The following TOR1B variants were observed in gnomAD, a reference collection of about 807,000 sequenced individuals.
TOR1B encodes the protein torsin-1B.
In TOR1B, 14 loss-of-function variants were observed where a neutral mutation model predicts 29.2. That is an observed-to-expected ratio of 0.48 (90% CI 0.32 to 0.75). The LOEUF is 0.75. TOR1B is among the 30% of genes least tolerant of loss of function. TOR1B has a pLI of 0.04. For missense variants in TOR1B, 400 were observed against 433.9 expected (o/e 0.92, Z 0.69); for synonymous variants, 166 against 179.8 (o/e 0.92, Z 0.62).
At position 129,807,272 on chromosome 9, in the gene TOR1B, C is replaced by A. The variant is rs149533855; in HGVS notation, c.550C>A (p.Pro184Thr). ...ATTTGACGAGATGGATAAATTGCAC[C>A]CCGGGATCATTGACGCAATCAAGCC... Reference protein sequence around the residue: ...FIFDEMDKLHPGIIDAIKPFL... With the variant: ...FIFDEMDKLHTGIIDAIKPFL... The change falls in exon 3 of 5, where the codon CCC becomes ACC. Residue 184 changes from proline to threonine, a missense_variant. Coordinates refer to ENST00000259339, the MANE Select transcript of TOR1B (RefSeq NM_014506.3). 3 of 1,613,954 alleles carry A rather than the reference C, an allele frequency of 1.9e-6. No homozygotes were observed. Among genetic ancestry groups the A allele is most frequent in the African/African-American group, 2.7e-5 (2 of 74,880 alleles).
chr9:129,810,405 C>A lies in TOR1B; in HGVS notation c.*822C>A, dbSNP rs1035108274. The stretch of plus-strand genomic sequence containing the variant: ...TGCAGCAGACCTGGACAGACAGGCC[C>A]CTCCCGCCTGTCCATCGCTCTAGCT... On this transcript the variant is annotated 3_prime_UTR_variant, in exon 5 of 5. Coordinates refer to ENST00000259339, the MANE Select transcript of TOR1B (RefSeq NM_014506.3). 3 of 1,218,980 alleles carry A rather than the reference C, an allele frequency of 2.5e-6. No individual in the cohort carries two copies. The highest frequency in any genetic ancestry group is 3.6e-4 in the Middle Eastern group (1 of 2,792). 75.5% of individuals were successfully genotyped at this position (1,218,980 alleles called of 1,614,324 possible).
At position 129,810,349 on chromosome 9, in the gene TOR1B, G is replaced by GC. The variant is rs2030783097; in HGVS notation, c.*766_*767insC. 2 of 1,090,712 alleles carry GC rather than the reference G, an allele frequency of 1.8e-6. No individual in the cohort carries two copies. Among genetic ancestry groups the GC allele is most frequent in the Non-Finnish European group, 2.3e-6 (2 of 851,714 alleles). 67.6% of individuals were successfully genotyped at this position (1,090,712 alleles called of 1,614,324 possible). On this transcript the variant is annotated 3_prime_UTR_variant, in exon 5 of 5. Coordinates refer to ENST00000259339, the MANE Select transcript of TOR1B (RefSeq NM_014506.3). ...TCTGAGCTGACCTGTGTGTGTGTGT[G>GC]TGGGGGGGTGGGGCCTTCACCTAAG...
In TOR1B at chr9:129,809,756, G is replaced by A; in HGVS notation, c.*173G>A. 1 of 1,427,296 alleles carries A rather than the reference G, an allele frequency of 7.0e-7. No homozygotes were observed. The highest frequency in any genetic ancestry group is 9.1e-7 in the Non-Finnish European group (1 of 1,095,636). 88.4% of individuals were successfully genotyped at this position (1,427,296 alleles called of 1,614,324 possible). ...CTCACTCCGTCATCCAAGCTGGAGT[G>A]CAGTGGTGCAATCCTCAACTCACTG... On this transcript the variant is annotated 3_prime_UTR_variant, in exon 5 of 5. Coordinates refer to ENST00000259339, the MANE Select transcript of TOR1B (RefSeq NM_014506.3).
In TOR1B at chr9:129,810,488, C is replaced by G. The variant is rs1248646998; in HGVS notation, c.*905C>G. ...CGTCTCAGCTGGTATCAGCCCCAGC[C>G]TGCCTTGTGCCATATCTCAGCTTGG... On this transcript the variant is annotated 3_prime_UTR_variant, in exon 5 of 5. Coordinates refer to ENST00000259339, the MANE Select transcript of TOR1B (RefSeq NM_014506.3). The G allele has an allele frequency of 1.8e-5, 20 of 1,109,164 alleles. No homozygotes were observed. Among genetic ancestry groups the G allele is most frequent in the Admixed American group, 3.7e-5 (1 of 26,936 alleles). 68.7% of individuals were successfully genotyped at this position (1,109,164 alleles called of 1,614,324 possible).
intron 1 of TOR1B, 116 bp from the exon 2 acceptor site, chr9:129,803,957 C>T: frequency 7.1e-7 from 1 of 1,405,304 alleles, no homozygotes; most frequent in South Asian, 1.3e-5. Flanking sequence ...GTGGCAGACA[C>T]CCTGCTGTGT....
intron 3 of TOR1B, among the ~76,000 whole-genome samples, chr9:129,807,835 G>T (rs1224417728): frequency 4.9e-5 from 7 of 142,332 alleles, no homozygotes; most frequent in Non-Finnish European, 7.6e-5. Flanking sequence ...GACAGAGTGA[G>T]ACTCTGTCTC....
Position 129,807,222 on chromosome 9 carries a change from G to A in TOR1B, c.500G>A (p.Ser167Asn), listed in dbSNP as rs576300576. ...CAGAAGTGGATCCGCGGTAATGTGAGTGCATGTGCGAACTCTGTTTTCATA... is the reference window on the plus strand; with the variant it reads ...CAGAAGTGGATCCGCGGTAATGTGAATGCATGTGCGAACTCTGTTTTCATA... ...QLQKWIRGNV[S>N]ACANSVFIFD... Residue 167 changes from serine (S) to asparagine (N), a missense_variant, in exon 3 of 5, where the codon AGT (serine) becomes AAT (asparagine). Coordinates refer to ENST00000259339, the MANE Select transcript of TOR1B (RefSeq NM_014506.3). The A allele has an allele frequency of 1.0e-4, 161 of 1,614,144 alleles. No individual in the cohort carries two copies. The South Asian group carries it at 1.7e-3, about 17-fold the overall frequency.
Position 129,810,125 on chromosome 9 carries a change from T to C in TOR1B, c.*542T>C. 7.7e-7 allele frequency: 1 copy of C among 1,298,902 alleles called. No individual in the cohort carries two copies. The highest frequency in any genetic ancestry group is 1.0e-6 in the Non-Finnish European group (1 of 984,794). 80.5% of individuals were successfully genotyped at this position (1,298,902 alleles called of 1,614,324 possible). A position where few individuals can be genotyped will look rare whatever the true frequency, so the allele number is the denominator to read the frequency against. On this transcript the variant is annotated 3_prime_UTR_variant, in exon 5 of 5. Coordinates refer to ENST00000259339, the MANE Select transcript of TOR1B (RefSeq NM_014506.3). ...CAACTAAAGGAGTCCAGGGACTTGCTGCAGGCTGGGGGGCACTGGGTGGTT... is the reference window on the plus strand; with the variant it reads ...CAACTAAAGGAGTCCAGGGACTTGCCGCAGGCTGGGGGGCACTGGGTGGTT...
rs759880602 is a variant in TOR1B at position 129,809,411 on chromosome 9, A to G, written c.839A>G (p.Glu280Gly). The change falls in exon 5 of 5, where the codon GAG (glutamate) becomes GGG (glycine). Residue 280 changes from glutamate to glycine, a missense_variant. Transcript: ENST00000259339. ...TACTTTATCCCCTTCCTGCCTTTGGAGTACAGACATGTGAAAATGTGTGTG... is the reference window on the plus strand; with the variant it reads ...TACTTTATCCCCTTCCTGCCTTTGGGGTACAGACATGTGAAAATGTGTGTG... ...IDYFIPFLPL[E>G]YRHVKMCVRA... 3.1e-6 allele frequency: 5 copies of G among 1,614,072 alleles called. No homozygotes were observed. The Admixed American group carries it at 8.3e-5, about 27-fold the overall frequency.
At position 129,810,244 on chromosome 9, in the gene TOR1B, T is replaced by C. The variant is rs1376161789; in HGVS notation, c.*661T>C. ...TTACACAGAGTTCACTGACTTGAAG[T>C]ATACTCAGTTAAAATCGGGGCTGGA... On this transcript the variant is annotated 3_prime_UTR_variant, in exon 5 of 5. Transcript: ENST00000259339. 1.5e-6 allele frequency: 2 copies of C among 1,303,956 alleles called. No homozygotes were observed. The highest frequency in any genetic ancestry group is 1.2e-5 in the South Asian group (1 of 81,024). 80.8% of individuals were successfully genotyped at this position (1,303,956 alleles called of 1,614,324 possible). A position where few individuals can be genotyped will look rare whatever the true frequency, so the allele number is the denominator to read the frequency against.
chr9:129,803,715 C>T (rs117044795), intron 1 of TOR1B, among the ~76,000 whole-genome samples: 3,850 of 152,384 alleles, frequency 0.025, 89 homozygotes, highest in Non-Finnish European at 0.033. Context: ...CTTCTGCGCC[C>T]TGCCAACCCT....
At chr9:129,803,949 G>A in intron 1 of TOR1B, 124 bp from the exon 2 acceptor site, 5 of 1,289,288 alleles carry the variant, frequency 3.9e-6, no homozygotes, top group African/African-American at 1.5e-5. Context: ...CCTAGGGTGT[G>A]GCAGACACCC....
At chr9:129,808,233 C>T (rs1156787182) in intron 3 of TOR1B, among the ~76,000 whole-genome samples, 3 of 152,058 alleles carry the variant, frequency 2.0e-5, no homozygotes, top group Non-Finnish European at 4.4e-5. Flanking sequence ...TGTGGTGGCT[C>T]ACACCTGTAA....
rs772516959 is a variant in TOR1B at position 129,811,108 on chromosome 9, C to T, written c.*1525C>T. The T allele has an allele frequency of 7.2e-5, 11 of 152,246 alleles. No homozygotes were observed. The highest frequency in any genetic ancestry group is 2.1e-4 in the South Asian group (1 of 4,820). 9.4% of individuals were successfully genotyped at this position (152,246 alleles called of 1,614,324 possible). ...TAATTTATGACATGGAAATGCCTTACGTGGTATCACACTTAGTCTTGAAAA... is the reference window on the plus strand; with the variant it reads ...TAATTTATGACATGGAAATGCCTTATGTGGTATCACACTTAGTCTTGAAAA... On this transcript the variant is annotated 3_prime_UTR_variant, in exon 5 of 5. Transcript: ENST00000259339.
intron 3 of TOR1B, among the ~76,000 whole-genome samples, chr9:129,808,154 GA>G (rs2030612022): frequency 1.3e-5 from 2 of 152,152 alleles, no homozygotes; most frequent in Admixed American, 1.3e-4. Flanking sequence ...TAAGTTCCAT[GA>G]GAGCACACTT....
Position 129,809,769 on chromosome 9 carries a change from C to G in TOR1B, c.*186C>G, listed in dbSNP as rs1775516734. On this transcript the variant is annotated 3_prime_UTR_variant, in exon 5 of 5. Transcript: ENST00000259339. ...CCAAGCTGGAGTGCAGTGGTGCAAT[C>G]CTCAACTCACTGCAACCTCCGCTCC... 8.5e-6 allele frequency: 12 copies of G among 1,417,348 alleles called. No homozygotes were observed. Among genetic ancestry groups the G allele is most frequent in the Non-Finnish European group, 1.1e-5 (12 of 1,088,924 alleles). 87.8% of individuals were successfully genotyped at this position (1,417,348 alleles called of 1,614,324 possible). A position where few individuals can be genotyped will look rare whatever the true frequency, so the allele number is the denominator to read the frequency against.
rs2030742127 is a variant in TOR1B, at chr9:129,809,847, ATGAGCCACTG to A, written c.*267_*276del. 1 of 1,341,394 alleles carries A rather than the reference ATGAGCCACTG, an allele frequency of 7.5e-7. No individual in the cohort carries two copies. The highest frequency in any genetic ancestry group is 3.2e-5 in the East Asian group (1 of 30,812). The allele number at this position is 1,341,394 out of a possible 1,614,324, so 83.1% of individuals were successfully genotyped here. ...CTCCCGAGTAGCTGGGATTACAGGC[ATGAGCCACTG>A]TGCCCAGCTGGGATATAGAATCTAA... On this transcript the variant is annotated 3_prime_UTR_variant, in exon 5 of 5. Coordinates refer to ENST00000259339, the MANE Select transcript of TOR1B (RefSeq NM_014506.3).
chr9:129,808,279 C>G (rs1281463875), intron 3 of TOR1B, among the ~76,000 whole-genome samples: 1 of 152,024 alleles, frequency 6.6e-6, no homozygotes, highest in Non-Finnish European at 1.5e-5. Context: ...GGGCAGATCA[C>G]TTGAGGTCAG....
intron 2 of TOR1B, among the ~76,000 whole-genome samples, chr9:129,805,590 A>C (rs2030436454): frequency 6.6e-6 from 1 of 152,206 alleles, no homozygotes; most frequent in Non-Finnish European, 1.5e-5. Flanking sequence ...CCACATCCCC[A>C]GCAGTGCAGT....
Sources: gnomAD v4.1 joint callset for allele counts (sites outside exome capture counted in the v4.1 genomes callset) on GRCh38, gnomAD v4.1.1 for gene constraint, MANE v1.5 for transcripts, NCBI Gene and HGNC (gene_info 2026-07-23, HGNC 2026-07-21) for gene names.